Variants in SLIT2 observed in about 807,000 individuals in gnomAD.
SLIT2 encodes the protein slit guidance ligand 2, also known as slit homolog 2 protein.
Under a neutral mutation model 185.7 loss-of-function variants are expected in SLIT2, and 41 were observed. The ratio of observed to expected loss-of-function variants is 0.22; its 90% CI spans 0.17 to 0.29. The LOEUF (loss-of-function observed/expected upper bound fraction) is 0.29, where lower values mean the gene tolerates loss of function less well. SLIT2 is among the 10% of genes least tolerant of loss of function. SLIT2 has a pLI of 1.00. For synonymous variants in SLIT2, 693 were observed against 680.2 expected (o/e 1.02, Z -0.29); for missense variants, 1,571 against 1,909.0 (o/e 0.82, Z 3.30).
At chr4:20,320,424 T>C (rs1718976342) in intron 4 of SLIT2, among the ~76,000 whole-genome samples, 1 of 152,168 alleles carries the variant, frequency 6.6e-6, no homozygotes, top group Non-Finnish European at 1.5e-5. Flanking sequence ...ATTCAACTTA[T>C]TCTGAGCCCC....
intron 11 of SLIT2, among the ~76,000 whole-genome samples, chr4:20,515,136 C>G (rs1376468428): frequency 2.0e-5 from 3 of 152,280 alleles, no homozygotes; most frequent in Non-Finnish European, 2.9e-5. Context: ...AATCCTGGCT[C>G]TAGTACTTAC....
At chr4:20,573,937 A>ATTTTATT (rs1725845473) in intron 29 of SLIT2, among the ~76,000 whole-genome samples, 1 of 57,630 alleles carries the variant, frequency 1.7e-5, no homozygotes, top group Non-Finnish European at 3.1e-5. Flanking sequence ...TCATAGAATT[A>ATTTTATT]TTTTATTTAT....
intron 4 of SLIT2, among the ~76,000 whole-genome samples, chr4:20,429,974 T>C (rs1228164534): frequency 1.3e-5 from 2 of 152,162 alleles, no homozygotes; most frequent in South Asian, 2.1e-4. Context: ...CAAATTATAT[T>C]TTCATTTAGT....
chr4:20,602,689 C>A (rs750901348), intron 33 of SLIT2, among the ~76,000 whole-genome samples: 42 of 152,168 alleles, frequency 2.8e-4, no homozygotes, highest in Non-Finnish European at 5.6e-4. Context: ...ACTTTGAGAA[C>A]CCCTTGCGTA....
intron 4 of SLIT2, among the ~76,000 whole-genome samples, chr4:20,467,025 C>A (rs2148741970): frequency 6.6e-6 from 1 of 152,168 alleles, no homozygotes; most frequent in Non-Finnish European, 1.5e-5. Flanking sequence ...AATAATGATC[C>A]ATTTCATGAG....
chr4:20,427,954 A>G (rs1354314877), intron 4 of SLIT2, among the ~76,000 whole-genome samples: 1 of 152,052 alleles, frequency 6.6e-6, no homozygotes, highest in Non-Finnish European at 1.5e-5. Flanking sequence ...TTGAGTTCCT[A>G]CCCTGTGATC....
intron 34 of SLIT2, among the ~76,000 whole-genome samples, chr4:20,612,405 C>G (rs1407563100): frequency 6.6e-6 from 1 of 151,830 alleles, no homozygotes; most frequent in Non-Finnish European, 1.5e-5. Context: ...CAAACAACAC[C>G]TCTGTCCACC....
At chr4:20,454,825 C>A (rs532056668) in intron 4 of SLIT2, among the ~76,000 whole-genome samples, 1 of 152,064 alleles carries the variant, frequency 6.6e-6, no homozygotes, top group African/African-American at 2.4e-5. Context: ...GGAAACCATA[C>A]GTCGTGGGCA....
intron 26 of SLIT2, among the ~76,000 whole-genome samples, chr4:20,556,992 C>T (rs1157662948): frequency 6.6e-6 from 1 of 152,010 alleles, no homozygotes; most frequent in African/African-American, 2.4e-5. Context: ...AAAACCCTAA[C>T]CTAAAGCAAG....
At chr4:20,440,117 C>T (rs555556234) in intron 4 of SLIT2, among the ~76,000 whole-genome samples, 7 of 152,120 alleles carry the variant, frequency 4.6e-5, no homozygotes, top group East Asian at 1.9e-4. Context: ...AGCAGTCTGC[C>T]GTATCTTTAT....
At chr4:20,409,770 G>A (rs1004456619) in intron 4 of SLIT2, among the ~76,000 whole-genome samples, 8 of 152,172 alleles carry the variant, frequency 5.3e-5, no homozygotes, top group African/African-American at 1.9e-4. Flanking sequence ...ATTCTTACTG[G>A]TGTGAGATGA....
chr4:20,565,531 C>T (rs1361679411), intron 26 of SLIT2, among the ~76,000 whole-genome samples: 1 of 151,774 alleles, frequency 6.6e-6, no homozygotes, highest in East Asian at 1.9e-4. Flanking sequence ...AGTTTTTTGC[C>T]CTTAATTGAT....
chr4:20,365,247 A>C (rs1343310162), intron 4 of SLIT2, among the ~76,000 whole-genome samples: 1 of 152,156 alleles, frequency 6.6e-6, no homozygotes, highest in Non-Finnish European at 1.5e-5. Flanking sequence ...AATGGTTCAT[A>C]TAACAGAACA....
chr4:20,561,086 C>A (rs113192154), intron 26 of SLIT2, among the ~76,000 whole-genome samples: 2 of 151,954 alleles, frequency 1.3e-5, no homozygotes, highest in African/African-American at 4.8e-5. Context: ...ACAGGAAATT[C>A]TTCTTTTGAA....
intron 4 of SLIT2, among the ~76,000 whole-genome samples, chr4:20,305,334 C>T (rs1280151009): frequency 6.6e-6 from 1 of 151,978 alleles, no homozygotes; most frequent in East Asian, 1.9e-4. Context: ...GATCACAACA[C>T]GTGGGAAAAA....
At chr4:20,361,262 T>TATA (rs1722722187) in intron 4 of SLIT2, among the ~76,000 whole-genome samples, 1 of 151,540 alleles carries the variant, frequency 6.6e-6, no homozygotes, top group African/African-American at 2.4e-5. Flanking sequence ...TATATTAGGT[T>TATA]TTATTAGAGC....
At chr4:20,465,122 A>G (rs531785515) in intron 4 of SLIT2, among the ~76,000 whole-genome samples, 2 of 152,288 alleles carry the variant, frequency 1.3e-5, no homozygotes, top group Admixed American at 1.3e-4. Flanking sequence ...AGCCTTCTAA[A>G]TTTCAGACTA....
At chr4:20,396,239 C>A (rs950112128) in intron 4 of SLIT2, among the ~76,000 whole-genome samples, 2 of 151,676 alleles carry the variant, frequency 1.3e-5, no homozygotes, top group Admixed American at 1.3e-4. Flanking sequence ...ACCATGTAGG[C>A]CTTATTATGT....
intron 11 of SLIT2, among the ~76,000 whole-genome samples, chr4:20,518,667 C>T (rs1324531888): frequency 8.7e-5 from 9 of 103,632 alleles, no homozygotes; most frequent in Non-Finnish European, 1.4e-4. Flanking sequence ...TGCAGTGGCG[C>T]GATCTCGGCT....
Sources: gnomAD v4.1 joint callset for allele counts (sites outside exome capture counted in the v4.1 genomes callset) on GRCh38, gnomAD v4.1.1 for gene constraint, MANE v1.5 for transcripts, NCBI Gene and HGNC (gene_info 2026-07-23, HGNC 2026-07-21) for gene names.